KCTD8: variants seen among roughly 807,000 people sequenced by gnomAD.
KCTD8 encodes BTB/POZ domain-containing protein KCTD8.
A neutral mutation model predicts 31.5 loss-of-function variants in KCTD8; 27 were observed. The ratio of observed to expected loss-of-function variants is 0.86; its 90% confidence interval spans 0.63 to 1.18. The LOEUF (loss-of-function observed/expected upper bound fraction) is 1.18. Ranked by LOEUF, KCTD8 falls within the 50% of genes most tolerant of loss-of-function variation. The pLI, the probability that KCTD8 is intolerant of heterozygous loss-of-function variation, is 0.00. For synonymous variants in KCTD8, 290 were observed against 280.0 expected (o/e 1.04, Z -0.36); for missense variants, 658 against 647.7 (o/e 1.02, Z -0.17).
At chr4:44,179,763 C>T (rs1713325398) in intron 1 of KCTD8, among the ~76,000 whole-genome samples, 1 of 151,708 alleles carries the variant, frequency 6.6e-6, no homozygotes, top group Admixed American at 6.6e-5. Flanking sequence ...GTTTTAATTG[C>T]TATCCATTTA....
At chr4:44,295,966 T>C (rs957554737) in intron 1 of KCTD8, among the ~76,000 whole-genome samples, 7 of 152,218 alleles carry the variant, frequency 4.6e-5, no homozygotes, top group Non-Finnish European at 8.8e-5. Flanking sequence ...CCCAAGATAC[T>C]TGAAACTACT....
chr4:44,233,057 A>C (rs1267881378), intron 1 of KCTD8, among the ~76,000 whole-genome samples: 3 of 151,956 alleles, frequency 2.0e-5, no homozygotes, highest in African/African-American at 7.2e-5. Flanking sequence ...AAAACTGATA[A>C]CTTTGCTAAT....
At chr4:44,301,415 G>A (rs1341959342) in intron 1 of KCTD8, among the ~76,000 whole-genome samples, 1 of 152,158 alleles carries the variant, frequency 6.6e-6, no homozygotes, top group East Asian at 1.9e-4. Flanking sequence ...CATTCTAACT[G>A]GCGTGAGATG....
intron 1 of KCTD8, among the ~76,000 whole-genome samples, chr4:44,230,273 C>A (rs2109352164): frequency 6.6e-6 from 1 of 152,206 alleles, no homozygotes; most frequent in South Asian, 2.1e-4. Context: ...GTATTCATTC[C>A]TATATAGTTG....
At chr4:44,288,638 T>G (rs1392113980) in intron 1 of KCTD8, among the ~76,000 whole-genome samples, 1 of 152,110 alleles carries the variant, frequency 6.6e-6, no homozygotes, top group Non-Finnish European at 1.5e-5. Flanking sequence ...AACTTTTTCT[T>G]TTCATGAAGA....
chr4:44,366,340 G>A (rs946009874), intron 1 of KCTD8, among the ~76,000 whole-genome samples: 11 of 152,086 alleles, frequency 7.2e-5, no homozygotes, highest in African/African-American at 2.7e-4. Context: ...GGTCATGGGG[G>A]GTGGATTTCC....
At chr4:44,394,479 A>G (rs1277240489) in intron 1 of KCTD8, among the ~76,000 whole-genome samples, 1 of 152,090 alleles carries the variant, frequency 6.6e-6, no homozygotes, top group Non-Finnish European at 1.5e-5. Flanking sequence ...AAAGAAATTC[A>G]ATGTCTGTGC....
intron 1 of KCTD8, among the ~76,000 whole-genome samples, chr4:44,214,784 C>A (rs1356990426): frequency 6.6e-6 from 1 of 152,134 alleles, no homozygotes; most frequent in African/African-American, 2.4e-5. Context: ...TGCCTTCCTG[C>A]CTGAAGACAA....
intron 1 of KCTD8, among the ~76,000 whole-genome samples, chr4:44,365,470 A>T (rs542985321): frequency 6.6e-6 from 1 of 152,160 alleles, no homozygotes; most frequent in Non-Finnish European, 1.5e-5. Context: ...GCTATTTTAG[A>T]TGAATTCACA....
chr4:44,293,950 T>A (rs1317050724), intron 1 of KCTD8: 1 of 334,320 alleles, frequency 3.0e-6, no homozygotes, highest in Non-Finnish European at 6.0e-6. Flanking sequence ...CATTTTATTT[T>A]ATATCACAAA....
chr4:44,276,493 G>A (rs1453023218), intron 1 of KCTD8, among the ~76,000 whole-genome samples: 1 of 151,652 alleles, frequency 6.6e-6, no homozygotes, highest in Non-Finnish European at 1.5e-5. Flanking sequence ...CATTATTTTG[G>A]GCTTTATCCC....
intron 1 of KCTD8, among the ~76,000 whole-genome samples, chr4:44,305,669 A>G (rs1444864311): frequency 6.6e-6 from 1 of 151,938 alleles, no homozygotes; most frequent in African/African-American, 2.4e-5. Flanking sequence ...TCAATGAGTC[A>G]GTAAGCTTAC....
intron 1 of KCTD8, among the ~76,000 whole-genome samples, chr4:44,226,810 G>A (rs114193453): frequency 1.3e-5 from 2 of 151,416 alleles, no homozygotes; most frequent in Admixed American, 1.3e-4. Flanking sequence ...AGCTTTTTTC[G>A]TATGTTTTTT....
intron 1 of KCTD8, among the ~76,000 whole-genome samples, chr4:44,188,146 G>C (rs1330459394): frequency 6.6e-6 from 1 of 152,134 alleles, no homozygotes; most frequent in Non-Finnish European, 1.5e-5. Flanking sequence ...ATGTTTTCAA[G>C]TATTTCCAAC....
At chr4:44,433,543 T>C (rs1034321677) in intron 1 of KCTD8, among the ~76,000 whole-genome samples, 4 of 151,650 alleles carry the variant, frequency 2.6e-5, no homozygotes, top group African/African-American at 7.3e-5. Context: ...GAAAAATGAA[T>C]AGTTTATATG....
intron 1 of KCTD8, among the ~76,000 whole-genome samples, chr4:44,207,320 A>G (rs1003214917): frequency 4.6e-5 from 7 of 152,144 alleles, no homozygotes; most frequent in African/African-American, 1.7e-4. Flanking sequence ...TCTTCTTGGT[A>G]AGTTCTACCC....
intron 1 of KCTD8, among the ~76,000 whole-genome samples, chr4:44,424,281 A>G (rs758976265): frequency 6.6e-6 from 1 of 152,046 alleles, no homozygotes; most frequent in Non-Finnish European, 1.5e-5. Flanking sequence ...CAGTCTGGCC[A>G]TTTAGCTGTA....
At chr4:44,373,774 T>A (rs1214434929) in intron 1 of KCTD8, among the ~76,000 whole-genome samples, 2 of 152,100 alleles carry the variant, frequency 1.3e-5, no homozygotes, top group South Asian at 4.1e-4. Flanking sequence ...TCTCCTTCTC[T>A]TACTTTCCCA....
intron 1 of KCTD8, among the ~76,000 whole-genome samples, chr4:44,395,351 C>T (rs533882119): frequency 6.6e-6 from 1 of 152,064 alleles, no homozygotes; most frequent in East Asian, 1.9e-4. Flanking sequence ...AAGCTAGGGG[C>T]CGAAAAGACC....
Sources: allele counts gnomAD v4.1 joint callset (sites outside exome capture counted in the v4.1 genomes callset), GRCh38; gene constraint gnomAD v4.1.1; transcripts MANE v1.5; gene names NCBI Gene and HGNC (gene_info 2026-07-23, HGNC 2026-07-21).